Variants in CFAP20DC observed in about 807,000 individuals in gnomAD.
CFAP20DC encodes CFAP20 domain containing.
A neutral mutation model predicts 101.7 loss-of-function variants in CFAP20DC; 84 were observed. The observed-to-expected ratio is 0.83, with a 90% confidence interval of 0.69 to 0.99. The LOEUF is 0.99. Among genes scored for constraint, CFAP20DC ranks in the 50% least tolerant of loss-of-function variants. The pLI is 0.00. For synonymous variants in CFAP20DC, 359 were observed against 351.2 expected, an observed-to-expected ratio of 1.02 and a Z score of -0.25; for missense variants, 1,007 against 970.3, an observed-to-expected ratio of 1.04 and a Z score of -0.50.
rs910501645 is a variant in CFAP20DC, at chr3:58,728,676, T to A, written c.198-11048A>T. ...TAGGCTGATTGTGGAGGAAATCATA[T>A]GCCAGAGCTTTGGTAAATGCATGAA... On this transcript the variant is annotated intron_variant, in intron 3 of 3. Transcript: ENST00000486145. This position sits in a 1 kb window ranked among gnomAD's most constrained non-coding sequence, Gnocchi z 4.7. Among the ~76,000 whole-genome samples, 1 of 152,174 alleles carries A rather than the reference T, an allele frequency of 6.6e-6. No individual in the cohort carries two copies. The highest frequency in any genetic ancestry group is 1.5e-5 in the Non-Finnish European group (1 of 68,036).
chr3:58,827,425 G>C (rs377200424), intron 14 of CFAP20DC, among the ~76,000 whole-genome samples: 100 of 113,868 alleles, frequency 8.8e-4, no homozygotes, highest in African/African-American at 3.1e-3. Context: ...TATGTTGGGT[G>C]GGGGGTGGGT....
chr3:58,789,568 T>C (rs547230507), intron 15 of CFAP20DC, among the ~76,000 whole-genome samples: 6 of 152,298 alleles, frequency 3.9e-5, no homozygotes, highest in Non-Finnish European at 7.4e-5. Flanking sequence ...TGTTGGCTGG[T>C]TGCATGAGAA....
At chr3:59,018,607 A>G (rs1390035720) in intron 4 of CFAP20DC, 1 of 152,110 alleles carries the variant, frequency 6.6e-6, no homozygotes, top group African/African-American at 2.4e-5. Context: ...ATTAAGGGGC[A>G]TTCTACAAAA....
At chr3:58,827,762 C>T (rs184514751) in intron 14 of CFAP20DC, among the ~76,000 whole-genome samples, 4 of 152,198 alleles carry the variant, frequency 2.6e-5, no homozygotes, top group African/African-American at 7.2e-5. Context: ...TTTACCTGGG[C>T]TTCCCCACCA....
At chr3:58,883,890 T>C (rs2081402460) in intron 7 of CFAP20DC, among the ~76,000 whole-genome samples, 1 of 152,204 alleles carries the variant, frequency 6.6e-6, no homozygotes, top group Non-Finnish European at 1.5e-5. Flanking sequence ...TTAAATTTCT[T>C]CATTTGTAAG....
intron 4 of CFAP20DC, among the ~76,000 whole-genome samples, chr3:59,025,642 C>G (rs546246069): frequency 6.6e-6 from 1 of 152,034 alleles, no homozygotes; most frequent in Non-Finnish European, 1.5e-5. Context: ...GAAACTTGTC[C>G]CAGGTCACCA....
chr3:58,811,786 A>G (rs529672890), intron 14 of CFAP20DC, among the ~76,000 whole-genome samples: 1 of 152,272 alleles, frequency 6.6e-6, no homozygotes, highest in East Asian at 1.9e-4. Flanking sequence ...AAATGGGAGA[A>G]AATTTTCGCA....
At chr3:58,961,765 C>T (rs1043288414) in intron 4 of CFAP20DC, among the ~76,000 whole-genome samples, 1 of 151,520 alleles carries the variant, frequency 6.6e-6, no homozygotes, top group East Asian at 1.9e-4. Flanking sequence ...AAGTTTCTAC[C>T]TTTCAAGGAA....
In CFAP20DC at chr3:58,956,037, TG is replaced by T. The variant is rs1342326138; in HGVS notation, c.279-18276del. On this transcript the variant is annotated intron_variant, in intron 4 of 16. Coordinates refer to ENST00000482387, the MANE Select transcript of CFAP20DC (RefSeq NM_001394063.1). ...TCCTTTGGCACTGAATAACCAGCAGTGATACCAACATACTACACTGAGGGCC... is the reference window on the plus strand; with the variant it reads ...TCCTTTGGCACTGAATAACCAGCAGTATACCAACATACTACACTGAGGGCC... Among the ~76,000 whole-genome samples the T allele has an allele frequency of 6.4e-4, 97 of 151,492 alleles. 2 individuals are homozygous for T. In the South Asian group the frequency reaches 0.02, roughly 31 times the overall value.
At chr3:59,012,561 A>C (rs2093607708) in intron 4 of CFAP20DC, among the ~76,000 whole-genome samples, 1 of 152,252 alleles carries the variant, frequency 6.6e-6, no homozygotes, top group African/African-American at 2.4e-5. Flanking sequence ...TATTGGAGCC[A>C]GAATGAAAAG....
chr3:58,850,466 T>C (rs994725847), intron 12 of CFAP20DC, among the ~76,000 whole-genome samples: 2 of 151,592 alleles, frequency 1.3e-5, no homozygotes, highest in African/African-American at 4.8e-5. Context: ...TGCTTGCCTG[T>C]AATCCCAGCT....
intron 4 of CFAP20DC, among the ~76,000 whole-genome samples, chr3:58,950,588 A>G (rs2089986822): frequency 6.6e-6 from 1 of 151,978 alleles, no homozygotes; most frequent in African/African-American, 2.4e-5. Flanking sequence ...ACAGAACAGA[A>G]CTCTCAGAAA....
chr3:58,897,425 T>C lies in CFAP20DC; in HGVS notation c.551-12716A>G, dbSNP rs2082757507. 6.6e-6 allele frequency among the ~76,000 whole-genome samples: 1 copy of C among 152,222 alleles called. No homozygotes were observed. The highest frequency in any genetic ancestry group is 1.5e-5 in the Non-Finnish European group (1 of 68,036). ...TCCTGTCAACATGATAGCTGGTTAT[T>C]TTGCAGATTTGTTTATGTGGTTGCT... is the stretch of plus-strand genomic sequence containing the variant. On this transcript the variant is annotated intron_variant, in intron 6 of 16. Coordinates refer to ENST00000482387, the MANE Select transcript of CFAP20DC (RefSeq NM_001394063.1). The surrounding 1 kb of genome is among the most constrained non-coding windows in gnomAD (Gnocchi z 4.4).
intron 4 of CFAP20DC, among the ~76,000 whole-genome samples, chr3:58,998,968 G>A (rs561632358): frequency 6.6e-6 from 1 of 152,332 alleles, no homozygotes; most frequent in South Asian, 2.1e-4. Flanking sequence ...CTGGTGGACA[G>A]TTAAACTCCA....
rs939036610 is a variant in CFAP20DC at position 58,910,399 on chromosome 3, G to T, written c.550+3309C>A. ...TTGGATGCATATAGAACTTTAGGTT[G>T]ATAATAATTTTTCCTTAGACTTTTA... On this transcript the variant is annotated intron_variant, in intron 6 of 16. Coordinates refer to ENST00000482387, the MANE Select transcript of CFAP20DC (RefSeq NM_001394063.1). 5.9e-5 allele frequency among the ~76,000 whole-genome samples: 9 copies of T among 152,098 alleles called. No homozygotes were observed. In the East Asian group the frequency reaches 1.5e-3, roughly 26 times the overall value.
chr3:58,761,970 T>C (rs2069656404), intron 15 of CFAP20DC, among the ~76,000 whole-genome samples: 1 of 152,124 alleles, frequency 6.6e-6, no homozygotes, highest in South Asian at 2.1e-4. Context: ...TGTGGTCAAT[T>C]TTGGAATAGG....
At chr3:58,823,032 C>G (rs2075796916) in intron 14 of CFAP20DC, among the ~76,000 whole-genome samples, 1 of 152,128 alleles carries the variant, frequency 6.6e-6, no homozygotes, top group East Asian at 1.9e-4. Context: ...CTCATATCTC[C>G]TTTGCCCAAT....
At chr3:58,716,489 G>C (rs1362119395), downstream of CFAP20DC, among the ~76,000 whole-genome samples, 1 of 152,108 alleles carries the variant, frequency 6.6e-6, no homozygotes, top group Non-Finnish European at 1.5e-5. Flanking sequence ...TTAACACCCA[G>C]GTCATGACAG....
chr3:58,902,309 T>G (rs568206697), intron 6 of CFAP20DC, among the ~76,000 whole-genome samples: 4 of 152,346 alleles, frequency 2.6e-5, no homozygotes, highest in African/African-American at 9.6e-5. Flanking sequence ...GGTATATACC[T>G]AGGAATGGAA....
Sources: gnomAD v4.1 joint callset for allele counts (sites outside exome capture counted in the v4.1 genomes callset) on GRCh38, gnomAD v4.1.1 for gene constraint, Gnocchi (gnomAD v3.1) non-coding constraint, MANE v1.5 for transcripts, NCBI Gene and HGNC (gene_info 2026-07-23, HGNC 2026-07-21) for gene names.